TSHR: variants seen among roughly 807,000 people sequenced by gnomAD.
TSHR encodes the protein thyroid stimulating hormone receptor.
Under a neutral mutation model 64.1 loss-of-function variants are expected in TSHR, and 51 were observed. That is an observed-to-expected ratio of 0.80 (90% CI 0.64 to 1.01). TSHR has a LOEUF of 1.01. Among genes scored for constraint, TSHR ranks in the 50% least tolerant of loss-of-function variants. TSHR has a pLI of 0.00. For missense variants in TSHR, 877 were observed against 942.8 expected (o/e 0.93, Z 0.91); for synonymous variants, 361 against 361.9 (o/e 1.00, Z 0.03).
chr14:81,059,454 A>G (rs149276967), intron 1 of TSHR, among the ~76,000 whole-genome samples: 82 of 152,290 alleles, frequency 5.4e-4, no homozygotes, highest in African/African-American at 1.9e-3. Flanking sequence ...TTACTATGAA[A>G]ATATCCAGGC....
intron 8 of TSHR, among the ~76,000 whole-genome samples, chr14:81,128,309 G>A (rs1240838832): frequency 2.0e-5 from 3 of 152,110 alleles, no homozygotes; most frequent in African/African-American, 7.2e-5. Flanking sequence ...AACAAATAAG[G>A]AAACTGGTGC....
At chr14:81,112,829 G>A (rs767505193) in intron 8 of TSHR, among the ~76,000 whole-genome samples, 3 of 152,174 alleles carry the variant, frequency 2.0e-5, no homozygotes, top group Non-Finnish European at 2.9e-5. Context: ...AAGACCCCCA[G>A]GTGAGAATAT....
intron 9 of TSHR, among the ~76,000 whole-genome samples, chr14:81,141,163 G>A (rs1891669573): frequency 6.6e-6 from 1 of 152,138 alleles, no homozygotes. Flanking sequence ...CACACACAAA[G>A]AAGGCCAATA....
chr14:81,090,641 G>C (rs576690123), intron 4 of TSHR, among the ~76,000 whole-genome samples: 2 of 152,154 alleles, frequency 1.3e-5, no homozygotes, highest in Admixed American at 6.5e-5. Context: ...ATATCATGTA[G>C]AGCTTGAAAG....
At chr14:81,142,401 T>A (rs542683831) in intron 9 of TSHR, among the ~76,000 whole-genome samples, 14 of 151,794 alleles carry the variant, frequency 9.2e-5, no homozygotes, top group Non-Finnish European at 1.2e-4. Context: ...TTTTTTTTTT[T>A]AATCACTGTT....
intron 8 of TSHR, among the ~76,000 whole-genome samples, chr14:81,125,034 TATAAGG>T: frequency 6.6e-6 from 1 of 152,296 alleles, no homozygotes; most frequent in South Asian, 2.1e-4. Flanking sequence ...CTCCAGTAGT[TATAAGG>T]ATAAGACACA....
intron 3 of TSHR, among the ~76,000 whole-genome samples, chr14:81,082,070 T>TCTTG (rs1735705999): frequency 6.6e-6 from 1 of 151,908 alleles, no homozygotes; most frequent in Admixed American, 6.6e-5. Context: ...CCAGGAAAAG[T>TCTTG]CTTGATAATA....
At chr14:80,956,878 TC>T (rs1342827561) in intron 1 of TSHR, among the ~76,000 whole-genome samples, 1 of 152,154 alleles carries the variant, frequency 6.6e-6, no homozygotes, top group Non-Finnish European at 1.5e-5. Flanking sequence ...TTCAATAACC[TC>T]CAAACAGTGT....
intron 1 of TSHR, among the ~76,000 whole-genome samples, chr14:80,968,084 T>C (rs2139697501): frequency 6.6e-6 from 1 of 152,244 alleles, no homozygotes; most frequent in East Asian, 1.9e-4. Context: ...GATGAAAGAA[T>C]TTCCTGATAT....
chr14:81,070,500 C>T (rs149945166), intron 3 of TSHR, among the ~76,000 whole-genome samples: 2,149 of 151,312 alleles, frequency 0.014, 17 homozygotes, highest in Non-Finnish European at 0.022. Flanking sequence ...GGTGGTGTGT[C>T]CCTGTAATCC....
chr14:80,968,638 A>G (rs1006364103), intron 1 of TSHR, among the ~76,000 whole-genome samples: 2 of 152,182 alleles, frequency 1.3e-5, no homozygotes, highest in Admixed American at 6.5e-5. Flanking sequence ...TTCAGCTCCA[A>G]GGGTTCTGAA....
chr14:81,040,510 C>T (rs1001749489), intron 1 of TSHR, among the ~76,000 whole-genome samples: 4 of 151,974 alleles, frequency 2.6e-5, no homozygotes, highest in Non-Finnish European at 5.9e-5. Context: ...CAACAATTAA[C>T]AAAGTGGAGA....
chr14:81,121,045 A>G (rs1890768986), intron 8 of TSHR, among the ~76,000 whole-genome samples: 1 of 152,172 alleles, frequency 6.6e-6, no homozygotes, highest in Admixed American at 6.5e-5. Flanking sequence ...AATTCAAGCC[A>G]CGAGGTCCAC....
In TSHR at chr14:81,114,626, C is replaced by T. The variant is rs139420536; in HGVS notation, c.692+6174C>T. ...GGAGGGGCGCCCACCATTGCACAGG[C>T]GTGCTTAGGTAAACAAAGCAGCAGG... On this transcript the variant is annotated intron_variant, in intron 8 of 9. Coordinates refer to ENST00000298171, the MANE Select transcript of TSHR (RefSeq NM_000369.5). Among the ~76,000 whole-genome samples, 1,409 of 152,308 alleles carry T rather than the reference C, an allele frequency of 9.3e-3. 27 individuals are homozygous for T. The highest frequency in any genetic ancestry group is 0.032 in the African/African-American group (1,342 of 41,570).
At chr14:80,991,724 A>C (rs1888733327) in intron 1 of TSHR, 3 of 394,064 alleles carry the variant, frequency 7.6e-6, no homozygotes, top group Non-Finnish European at 1.3e-5. Flanking sequence ...AGTTCTGCTC[A>C]TAGACTTCAA....
intron 7 of TSHR, among the ~76,000 whole-genome samples, chr14:81,106,586 T>C (rs1019060579): frequency 2.6e-5 from 4 of 152,008 alleles, no homozygotes; most frequent in Admixed American, 2.0e-4. Flanking sequence ...GTGAAAGAAA[T>C]AGAGAGTGTA....
chr14:81,059,045 T>C (rs1052481447), intron 1 of TSHR, among the ~76,000 whole-genome samples: 2 of 152,144 alleles, frequency 1.3e-5, no homozygotes, highest in African/African-American at 4.8e-5. Flanking sequence ...ACAAAGGTTA[T>C]GTGCATGCCG....
chr14:80,985,291 C>T (rs1429671099), intron 1 of TSHR, among the ~76,000 whole-genome samples: 2 of 152,160 alleles, frequency 1.3e-5, no homozygotes, highest in Non-Finnish European at 2.9e-5. Flanking sequence ...CTTTTTTCCT[C>T]CTTGCAAAAT....
chr14:81,075,010 G>T (rs1307375735), intron 3 of TSHR, among the ~76,000 whole-genome samples: 4 of 152,222 alleles, frequency 2.6e-5, no homozygotes, highest in Non-Finnish European at 5.9e-5. Flanking sequence ...GCCTAAAGCT[G>T]CCTCCTTGTA....
Sources: gnomAD v4.1 joint callset for allele counts (sites outside exome capture counted in the v4.1 genomes callset) on GRCh38, gnomAD v4.1.1 for gene constraint, MANE v1.5 for transcripts, NCBI Gene and HGNC (gene_info 2026-07-23, HGNC 2026-07-21) for gene names.